KLF12: variants seen among roughly 807,000 people sequenced by gnomAD.
The protein encoded by KLF12 is Krueppel-like factor 12.
KLF12 carries 9 observed loss-of-function variants against 37.8 expected under a neutral mutation model. The ratio of observed to expected loss-of-function variants is 0.24; its 90% CI spans 0.14 to 0.42. KLF12 has a LOEUF of 0.42. KLF12 is among the 10% of genes least tolerant of loss of function. The pLI, the probability that KLF12 is intolerant of heterozygous loss-of-function variation, is 1.00. For missense variants in KLF12, 411 were observed against 516.0 expected, an observed-to-expected ratio of 0.80 and a Z score of 1.97; for synonymous variants, 208 against 202.1, an observed-to-expected ratio of 1.03 and a Z score of -0.25.
chr13:74,070,795 G>A (rs1874186685), intron 1 of KLF12, among the ~76,000 whole-genome samples: 1 of 152,162 alleles, frequency 6.6e-6, no homozygotes, highest in South Asian at 2.1e-4. Context: ...GACCTTCTGA[G>A]ACTCTGGGGT....
At chr13:73,817,492 T>C (rs1237931688) in intron 4 of KLF12, among the ~76,000 whole-genome samples, 2 of 152,192 alleles carry the variant, frequency 1.3e-5, no homozygotes, top group African/African-American at 4.8e-5. Flanking sequence ...ATGATGGAGA[T>C]GAACTACAAC....
Position 74,026,620 on chromosome 13 carries a change from T to C in KLF12, c.-31-31567A>G, listed in dbSNP as rs147258836. Among the ~76,000 whole-genome samples, 1,000 of 152,342 alleles carry C rather than the reference T, an allele frequency of 6.6e-3. 2 individuals are homozygous for C. Among genetic ancestry groups the C allele is most frequent in the African/African-American group, 0.023 (946 of 41,580 alleles). On this transcript the variant is annotated intron_variant, in intron 1 of 7. Transcript: ENST00000377669. ...AAAAAGGGTTAAAATAGTACATTTC[T>C]GTTACATGTATTTTACTATAATTAA...
chr13:74,186,579 T>C, the KLF12 span, among the ~76,000 whole-genome samples: 5 of 152,270 alleles, frequency 3.3e-5, no homozygotes, highest in East Asian at 7.7e-4. Flanking sequence ...CTCAGTGATA[T>C]TGGAAGCTGA....
At chr13:73,789,318 T>G (rs1881527279) in intron 5 of KLF12, among the ~76,000 whole-genome samples, 1 of 152,210 alleles carries the variant, frequency 6.6e-6, no homozygotes, top group Non-Finnish European at 1.5e-5. Flanking sequence ...AACAGAGGCA[T>G]TAATTGCTAC....
intron 3 of KLF12, among the ~76,000 whole-genome samples, chr13:73,850,179 C>T (rs1485947162): frequency 6.6e-6 from 1 of 152,188 alleles, no homozygotes; most frequent in African/African-American, 2.4e-5. Context: ...TATGCTGTCA[C>T]ATTGTCTTTT....
chr13:73,919,419 C>T (rs1889009234), intron 3 of KLF12, among the ~76,000 whole-genome samples: 1 of 152,184 alleles, frequency 6.6e-6, no homozygotes, highest in African/African-American at 2.4e-5. Context: ...CCTGGATTTT[C>T]TCCATTAATC....
intron 2 of KLF12, among the ~76,000 whole-genome samples, chr13:73,971,966 T>C (rs1051383207): frequency 2.0e-5 from 3 of 152,208 alleles, no homozygotes; most frequent in African/African-American, 7.2e-5. Flanking sequence ...ATTAACCAGC[T>C]GTACAATTAC....
chr13:73,887,842 G>T (rs1887305199), intron 3 of KLF12, among the ~76,000 whole-genome samples: 1 of 152,138 alleles, frequency 6.6e-6, no homozygotes, highest in Admixed American at 6.5e-5. Flanking sequence ...TTTAAAAAAT[G>T]ATTTCTGAAA....
At chr13:73,891,704 C>T (rs1887514858) in intron 3 of KLF12, among the ~76,000 whole-genome samples, 1 of 152,010 alleles carries the variant, frequency 6.6e-6, no homozygotes. Context: ...TTATATACCT[C>T]AATTTTTGTC....
intron 4 of KLF12, 111 bp downstream of exon 4, chr13:73,845,716 A>T: frequency 3.2e-6 from 3 of 947,748 alleles, no homozygotes; most frequent in Non-Finnish European, 4.8e-6. Context: ...ACGTTGCTCT[A>T]CACAGAACTT....
chr13:73,955,508 C>G (rs140669808), intron 2 of KLF12, among the ~76,000 whole-genome samples: 1 of 152,172 alleles, frequency 6.6e-6, no homozygotes, highest in Non-Finnish European at 1.5e-5. Flanking sequence ...ACCGATTACA[C>G]AGAAATACAA....
At chr13:73,943,942 A>G (rs1233943112) in intron 3 of KLF12, 39 bp downstream of exon 3, 1 of 1,249,632 alleles carries the variant, frequency 8.0e-7, no homozygotes, top group East Asian at 2.3e-5. Flanking sequence ...TGCCACTCTC[A>G]TCAAAAGGAG....
chr13:74,223,555 C>T, the KLF12 span, among the ~76,000 whole-genome samples: 24 of 152,188 alleles, frequency 1.6e-4, no homozygotes, highest in African/African-American at 5.8e-4. Context: ...ATTGAACTGT[C>T]TCTGGGACCC....
chr13:73,728,706 A>AT (rs1413715942), intron 6 of KLF12, among the ~76,000 whole-genome samples: 1 of 152,158 alleles, frequency 6.6e-6, no homozygotes, highest in Non-Finnish European at 1.5e-5. Context: ...AATGTGGTGT[A>AT]TTACATTGAT....
chr13:74,052,917 A>G (rs1026612682), intron 1 of KLF12, among the ~76,000 whole-genome samples: 1 of 152,150 alleles, frequency 6.6e-6, no homozygotes, highest in Non-Finnish European at 1.5e-5. Flanking sequence ...TGCCAATGAA[A>G]TATCTTGTTT....
intron 3 of KLF12, among the ~76,000 whole-genome samples, chr13:73,859,023 A>G (rs951043935): frequency 3.9e-5 from 6 of 152,220 alleles, no homozygotes; most frequent in Admixed American, 6.5e-5. Flanking sequence ...TGTACGGGAC[A>G]AACATTTTTG....
chr13:73,808,260 T>C (rs2138398782), intron 5 of KLF12, among the ~76,000 whole-genome samples: 1 of 152,206 alleles, frequency 6.6e-6, no homozygotes, highest in African/African-American at 2.4e-5. Context: ...AATCACTGAA[T>C]ACGTGATTTT....
At chr13:74,068,643 A>G (rs569823898) in intron 1 of KLF12, among the ~76,000 whole-genome samples, 3 of 149,458 alleles carry the variant, frequency 2.0e-5, no homozygotes, top group Non-Finnish European at 3.0e-5. Flanking sequence ...TGCAGCCTAC[A>G]CCTCCCAGGT....
chr13:73,892,784 T>C (rs1887571881), intron 3 of KLF12, among the ~76,000 whole-genome samples: 1 of 152,204 alleles, frequency 6.6e-6, no homozygotes. Flanking sequence ...TGTGTATTCG[T>C]AGTATATGCA....
Sources: allele counts gnomAD v4.1 joint callset (sites outside exome capture counted in the v4.1 genomes callset), GRCh38; gene constraint gnomAD v4.1.1; transcripts MANE v1.5; gene names NCBI Gene and HGNC (gene_info 2026-07-23, HGNC 2026-07-21).